Variants in HAUS5 observed in about 807,000 individuals in gnomAD.
HAUS5 encodes HAUS augmin-like complex subunit 5.
HAUS5 carries 67 observed loss-of-function variants against 94.1 expected under a neutral mutation model. That is an observed-to-expected ratio of 0.71 (90% CI 0.58 to 0.87). The LOEUF (loss-of-function observed/expected upper bound fraction) is 0.87, where lower values mean the gene tolerates loss of function less well. Among genes scored for constraint, HAUS5 ranks in the 40% least tolerant of loss-of-function variants. The pLI is 0.00. For missense variants in HAUS5, 739 were observed against 825.6 expected (o/e 0.90, Z 1.29); for synonymous variants, 339 against 355.4 (o/e 0.95, Z 0.52).
intron 6 of HAUS5, among the ~76,000 whole-genome samples, chr19:35,616,577 G>C (rs1172817463): frequency 6.6e-6 from 1 of 152,102 alleles, no homozygotes; most frequent in African/African-American, 2.4e-5. Flanking sequence ...GAGTGCAGTG[G>C]CATGATCTTG....
At chr19:35,620,163 C>T (rs1188887863) in intron 16 of HAUS5, 32 bp from the exon 17 acceptor site, 18 of 1,611,260 alleles carry the variant, frequency 1.1e-5, no homozygotes, top group Non-Finnish European at 1.5e-5. Flanking sequence ...CCCAGCCCCG[C>T]CCCAGGTGAC....
At position 35,620,024 on chromosome 19, in the gene HAUS5, G is replaced by A. The variant is rs1003622689; in HGVS notation, c.1419G>A (p.Leu473=). Residue 473 remains leucine, a synonymous_variant, in exon 16 of 19, where the codon CTG becomes CTA. Coordinates refer to ENST00000203166, the MANE Select transcript of HAUS5 (RefSeq NM_015302.2). ...TCCCCGCCCGTAGGTTGAAGCCCCT[G>A]CCCACGGTCCTCCCATCCATCCACC... ...LRHRPGELKP[L]PTVLPSIHQL... 9 of 1,613,240 alleles carry A rather than the reference G, an allele frequency of 5.6e-6. No individual in the cohort carries two copies. The African/African-American group carries it at 6.7e-5, about 12-fold the overall frequency.
At position 35,612,835 on chromosome 19, in the gene HAUS5, C is replaced by T. The variant is rs1053834101; in HGVS notation, c.41C>T (p.Ala14Val). Residue 14 changes from alanine (A) to valine (V), a missense_variant, in exon 1 of 19, where the codon GCG becomes GTG. Coordinates refer to ENST00000203166, the MANE Select transcript of HAUS5 (RefSeq NM_015302.2). ...AQEARELGCW[A>V]VEEMGVPVAA... ...GAAGCGCGGGAACTGGGTTGCTGGG[C>T]GGTCGAAGAGATGGGGGTGCCCGTG... 3 of 1,547,330 alleles carry T rather than the reference C, an allele frequency of 1.9e-6. No homozygotes were observed. Among genetic ancestry groups the T allele is most frequent in the Non-Finnish European group, 2.6e-6 (3 of 1,145,566 alleles).
intron 17 of HAUS5, among the ~76,000 whole-genome samples, chr19:35,621,199 G>A (rs1967203934): frequency 6.6e-6 from 1 of 152,236 alleles, no homozygotes; most frequent in South Asian, 2.1e-4. Context: ...AAGCCTCTGA[G>A]TTTGGGGCTC....
rs181981341 is a variant in HAUS5, at chr19:35,615,399, G to A, written c.485+13G>A. The A allele has an allele frequency of 1.4e-4, 220 of 1,595,630 alleles. No individual in the cohort carries two copies. Among genetic ancestry groups the A allele is most frequent in the Middle Eastern group, 8.3e-4 (5 of 6,022 alleles). On this transcript the variant is annotated intron_variant, in intron 6 of 18. Transcript: ENST00000203166. The stretch of plus-strand genomic sequence containing the variant: ...AGGACATGGAGAGGTGGGCCTCAGG[G>A]ACCCACCCTCACCAGGCTGGGTGGC...
chr19:35,614,337 G>C, intron 4 of HAUS5: 1 of 495,020 alleles, frequency 2.0e-6, no homozygotes, highest in South Asian at 2.2e-5. Flanking sequence ...TCAGTACTGG[G>C]ACAAAGATGT....
chr19:35,619,675 G>A lies in HAUS5; in HGVS notation c.1323G>A (p.Arg441=), dbSNP rs761195326. 3.2e-6 allele frequency: 5 copies of A among 1,586,248 alleles called. No homozygotes were observed. In the South Asian group the frequency reaches 4.6e-5, roughly 15 times the overall value. The change falls in exon 15 of 19, where the codon CGG becomes CGA. Residue 441 remains arginine (R), a synonymous_variant. Coordinates refer to ENST00000203166, the MANE Select transcript of HAUS5 (RefSeq NM_015302.2). ...TTGAGGCAGTGGCACCACAGAGCCG[G>A]GAGCTGCTGCGCTGTCTGGAGGAGG... ...PTFEAVAPQS[R]ELLRCLEEEV... is the part of the protein sequence containing the mutation.
Position 35,612,762 on chromosome 19 carries a change from T to C in HAUS5, c.-33T>C. Reference sequence around the variant, plus strand: ...AGGCGGGCGCCACACTTGAAGAGGCTGAGGGAGGCGGTGTCGCCGCCGCGG... The same window carrying C: ...AGGCGGGCGCCACACTTGAAGAGGCCGAGGGAGGCGGTGTCGCCGCCGCGG... On this transcript the variant is annotated 5_prime_UTR_variant, in exon 1 of 19. Coordinates refer to ENST00000203166, the MANE Select transcript of HAUS5 (RefSeq NM_015302.2). The C allele has an allele frequency of 1.1e-5, 16 of 1,501,114 alleles. No individual in the cohort carries two copies. Among genetic ancestry groups the C allele is most frequent in the Non-Finnish European group, 1.4e-5 (16 of 1,111,448 alleles). The allele number at this position is 1,501,114 out of a possible 1,614,324, so 93.0% of individuals were successfully genotyped here.
chr19:35,618,925 G>A lies in HAUS5; in HGVS notation c.1055G>A (p.Trp352Ter). 6.2e-7 allele frequency: 1 copy of A among 1,612,994 alleles called. No homozygotes were observed. Among genetic ancestry groups the A allele is most frequent in the Non-Finnish European group, 8.5e-7 (1 of 1,179,562 alleles). Residue 352 changes from tryptophan (W) to a stop codon, truncating the protein, a stop_gained, in exon 13 of 19, where the codon TGG (tryptophan) becomes TAG (stop). Transcript: ENST00000203166. LOFTEE classifies it high-confidence loss of function. Reference protein sequence around the residue: ...LILGLRRCCLWTELKALHDQS... With the variant: ...LILGLRRCCL ...CTGGGGCTTCGGCGCTGTTGCCTGT[G>A]GACGGAGCTCAAGGCCCTGCACGAT...
chr19:35,613,991 C>G (rs1205014023), intron 3 of HAUS5, 44 bp from the exon 4 acceptor site: 3 of 1,612,412 alleles, frequency 1.9e-6, no homozygotes, highest in African/African-American at 2.7e-5. Flanking sequence ...GCCCTCCCCC[C>G]TAGAAGCCCC....
At chr19:35,615,196 G>T (rs779217096) in intron 5 of HAUS5, 31 bp from the exon 6 acceptor site, 4 of 1,612,502 alleles carry the variant, frequency 2.5e-6, no homozygotes, top group South Asian at 1.1e-5. Flanking sequence ...GGCGGGAAAG[G>T]TGCTGATGGC....
rs200649171 is a variant in HAUS5, at chr19:35,614,077, C to T, written c.219+18C>T. ...GTCCACAGGTGAGAAGCATATGCTA[C>T]AAGATTCTCTTTCATCCGAAAAATG... On this transcript the variant is annotated intron_variant, in intron 4 of 18. Coordinates refer to ENST00000203166, the MANE Select transcript of HAUS5 (RefSeq NM_015302.2). 6.2e-7 allele frequency: 1 copy of T among 1,610,032 alleles called. No individual in the cohort carries two copies.
intron 17 of HAUS5, among the ~76,000 whole-genome samples, chr19:35,621,660 A>G (rs1319869149): frequency 6.6e-6 from 1 of 152,130 alleles, no homozygotes; most frequent in Non-Finnish European, 1.5e-5. Context: ...TGCTGCACCC[A>G]GAAACCCAGG....
At position 35,612,748 on chromosome 19, in the gene HAUS5, A is replaced by G; in HGVS notation, c.-47A>G. The G allele has an allele frequency of 2.1e-6, 3 of 1,396,538 alleles. No homozygotes were observed. The East Asian group carries it at 8.1e-5, about 38-fold the overall frequency. The allele number at this position is 1,396,538 out of a possible 1,614,324, so 86.5% of individuals were successfully genotyped here. On this transcript the variant is annotated 5_prime_UTR_variant, in exon 1 of 19. Transcript: ENST00000203166. Reference sequence around the variant, plus strand: ...GCCCGTGACGTCAGAGGCGGGCGCCACACTTGAAGAGGCTGAGGGAGGCGG... The same window carrying G: ...GCCCGTGACGTCAGAGGCGGGCGCCGCACTTGAAGAGGCTGAGGGAGGCGG...
chr19:35,616,172 G>A (rs2071941213), intron 6 of HAUS5, among the ~76,000 whole-genome samples: 6 of 152,044 alleles, frequency 3.9e-5, no homozygotes, highest in Admixed American at 3.9e-4. Context: ...ACAAAAATTA[G>A]TCGAGTGTGG....
intron 10 of HAUS5, 56 bp from the exon 11 acceptor site, chr19:35,618,346 G>A (rs896361693): frequency 5.6e-6 from 9 of 1,608,920 alleles, no homozygotes; most frequent in Admixed American, 3.4e-5. Flanking sequence ...GTCCACCCTC[G>A]AGTACCAAGG....
chr19:35,620,508 C>T (rs747502658), intron 17 of HAUS5, among the ~76,000 whole-genome samples, 181 bp downstream of exon 17: 73 of 152,348 alleles, frequency 4.8e-4, no homozygotes, highest in Non-Finnish European at 9.4e-4. Context: ...CTGTTCTCTC[C>T]ATTCTACAGA....
Position 35,615,256 on chromosome 19 carries a change from A to G in HAUS5, c.355A>G (p.Thr119Ala). 6.2e-7 allele frequency: 1 copy of G among 1,614,060 alleles called. No homozygotes were observed. Among genetic ancestry groups the G allele is most frequent in the Non-Finnish European group, 8.5e-7 (1 of 1,180,008 alleles). Residue 119 changes from threonine to alanine, a missense_variant, in exon 6 of 19, where the codon ACT becomes GCT. Thr to Ala is a moderately conservative substitution (Grantham distance 58). Transcript: ENST00000203166. ...GGCCATGGAGCAGGCACGTCAGCAC[A>G]CTCAAGACACCCAGCGTCGAGCTCT... ...DTAMEQARQH[T>A]QDTQRRALLL...
In HAUS5 at chr19:35,613,729, G is replaced by A; in HGVS notation, c.99-1G>A. On this transcript the variant is annotated splice_acceptor_variant, in intron 1 of 18. Coordinates refer to ENST00000203166, the MANE Select transcript of HAUS5 (RefSeq NM_015302.2). LOFTEE classifies it high-confidence loss of function. ...CATATGCTTACACACTGTCCCCACA[G>A]GCTGTGTCTGGGCCAGGGGGCTGAC... 6.2e-7 allele frequency: 1 copy of A among 1,613,958 alleles called. No individual in the cohort carries two copies. Among genetic ancestry groups the A allele is most frequent in the Non-Finnish European group, 8.5e-7 (1 of 1,179,880 alleles).
Sources: gnomAD v4.1 joint callset for allele counts (sites outside exome capture counted in the v4.1 genomes callset) on GRCh38, gnomAD v4.1.1 for gene constraint, MANE v1.5 for transcripts, NCBI Gene and HGNC (gene_info 2026-07-23, HGNC 2026-07-21) for gene names.